PREX1: variants seen among roughly 807,000 people sequenced by gnomAD.
PREX1 encodes the protein phosphatidylinositol-3,4,5-trisphosphate dependent Rac exchange factor 1, also known as phosphatidylinositol 3,4,5-trisphosphate-dependent Rac exchanger 1 protein.
In PREX1, 41 loss-of-function variants were observed where a neutral mutation model predicts 198.3. The observed-to-expected ratio is 0.21, with a 90% CI of 0.16 to 0.27. The LOEUF is 0.27. PREX1 is among the 10% of genes least tolerant of loss of function. PREX1 has a pLI of 1.00. For missense variants in PREX1, 1,620 were observed against 2,200.7 expected (o/e 0.74, Z 5.28); for synonymous variants, 843 against 887.2 (o/e 0.95, Z 0.89).
chr20:48,830,897 G>A (rs959547469), upstream of PREX1, among the ~76,000 whole-genome samples: 3 of 152,202 alleles, frequency 2.0e-5, no homozygotes, highest in African/African-American at 7.2e-5. Flanking sequence ...TACAATGCGT[G>A]GATTGAGTGC....
intron 1 of PREX1, among the ~76,000 whole-genome samples, chr20:48,750,125 G>A (rs2092490): frequency 0.34 from 52,286 of 151,878 alleles, 10,192 homozygotes; most frequent in Non-Finnish European, 0.43. Context: ...CCCACTAGCC[G>A]TCCTCAGCCC....
chr20:48,837,444 G>C, the PREX1 span, among the ~76,000 whole-genome samples: 1 of 152,200 alleles, frequency 6.6e-6, no homozygotes, highest in Non-Finnish European at 1.5e-5. Context: ...TGGCAGACTG[G>C]ATAAAGACAA....
chr20:48,661,468 T>TATATATATATATATATATATAC lies in PREX1; in HGVS notation c.1739-1408_1739-1407insGTATATATATATATATATATAT, dbSNP rs1373152651. 3.5e-4 allele frequency among the ~76,000 whole-genome samples: 27 copies of TATATATATATATATATATATAC among 76,774 alleles called. 1 individual carries two copies. The highest frequency in any genetic ancestry group is 1.8e-3 in the African/African-American group (18 of 9,944). 50.4% of individuals were successfully genotyped at this position (76,774 alleles called of 152,430 possible). ...AAATATATATATATATATATATATA[T>TATATATATATATATATATATAC]ACACACACATATATATAATATAATA... On this transcript the variant is annotated intron_variant, in intron 15 of 39. Coordinates refer to ENST00000371941, the MANE Select transcript of PREX1 (RefSeq NM_020820.4).
At chr20:48,879,230 C>G in the PREX1 span, among the ~76,000 whole-genome samples, 15,318 of 152,130 alleles carry the variant, frequency 0.1, 883 homozygotes, top group Middle Eastern at 0.16. Context: ...AATACGTGCT[C>G]CAAAAGAAAA....
intron 1 of PREX1, among the ~76,000 whole-genome samples, chr20:48,750,008 T>G (rs1483357566): frequency 6.6e-6 from 1 of 152,104 alleles, no homozygotes; most frequent in Non-Finnish European, 1.5e-5. Context: ...TCCACCTGGA[T>G]GTCCAAACTC....
At chr20:48,792,993 T>G (rs753531525) in intron 1 of PREX1, among the ~76,000 whole-genome samples, 2 of 152,002 alleles carry the variant, frequency 1.3e-5, no homozygotes, top group Non-Finnish European at 2.9e-5. Context: ...TCACTTGAGG[T>G]CAGGAGTTCG....
At chr20:48,673,737 C>T (rs2089691314) in intron 14 of PREX1, among the ~76,000 whole-genome samples, 1 of 152,178 alleles carries the variant, frequency 6.6e-6, no homozygotes, top group Non-Finnish European at 1.5e-5. Flanking sequence ...TCGTGGTCCC[C>T]AAACCCTTGC....
At chr20:48,752,907 A>C (rs2090140163) in intron 1 of PREX1, among the ~76,000 whole-genome samples, 1 of 152,214 alleles carries the variant, frequency 6.6e-6, no homozygotes, top group Non-Finnish European at 1.5e-5. Flanking sequence ...ACTTGTTTCA[A>C]ACATCCTTAC....
chr20:48,803,814 C>T (rs920025218), intron 1 of PREX1, among the ~76,000 whole-genome samples: 1 of 152,218 alleles, frequency 6.6e-6, no homozygotes, highest in Non-Finnish European at 1.5e-5. Flanking sequence ...ATGGATGGGT[C>T]CATGACCTCA....
intron 1 of PREX1, among the ~76,000 whole-genome samples, chr20:48,779,092 T>C (rs1297693866): frequency 2.6e-5 from 4 of 152,278 alleles, no homozygotes; most frequent in African/African-American, 7.2e-5. Flanking sequence ...GGAGAAAATA[T>C]TTACAAATGA....
At chr20:48,678,874 G>A (rs1049585496) in intron 13 of PREX1, among the ~76,000 whole-genome samples, 2 of 152,206 alleles carry the variant, frequency 1.3e-5, no homozygotes, top group Admixed American at 6.5e-5. Context: ...TAATACAGAG[G>A]ACAGAAAGTA....
At chr20:48,651,284 C>T in intron 22 of PREX1, 112 bp downstream of exon 22, 1 of 1,442,456 alleles carries the variant, frequency 6.9e-7, no homozygotes, top group Non-Finnish European at 9.2e-7. Context: ...CAGGCTAAGC[C>T]TGAGGAAATG....
Position 48,808,777 on chromosome 20 carries a change from C to T in PREX1, c.219+18865G>A, listed in dbSNP as rs187729216. Among the ~76,000 whole-genome samples the T allele has an allele frequency of 8.4e-4, 128 of 152,284 alleles. 2 individuals are homozygous for T. The South Asian group carries it at 0.019, about 23-fold the overall frequency. ...TGACCTCCCATTGCTCTGCCCCTGG[C>T]CATTCCGGCCTCCGTGTGGATCCTA... On this transcript the variant is annotated intron_variant, in intron 1 of 39. Transcript: ENST00000371941.
chr20:48,866,042 C>T, the PREX1 span, among the ~76,000 whole-genome samples: 4 of 151,422 alleles, frequency 2.6e-5, no homozygotes, highest in East Asian at 5.8e-4. Flanking sequence ...TCAACTTCCT[C>T]GGCTCAAGCA....
intron 11 of PREX1, 90 bp from the exon 12 acceptor site, chr20:48,679,844 C>T (rs1181780625): frequency 1.0e-5 from 10 of 1,001,750 alleles, no homozygotes; most frequent in Admixed American, 7.2e-5. Flanking sequence ...CTGCCAGCCA[C>T]GCCCCCTCTG....
chr20:48,717,233 G>T (rs748570054), intron 5 of PREX1, among the ~76,000 whole-genome samples: 53 of 150,726 alleles, frequency 3.5e-4, no homozygotes, highest in Non-Finnish European at 7.1e-4. Flanking sequence ...AAGAGAAAAA[G>T]GCAGGAGGGT....
At chr20:48,820,526 C>A (rs2090479904) in intron 1 of PREX1, among the ~76,000 whole-genome samples, 1 of 152,232 alleles carries the variant, frequency 6.6e-6, no homozygotes, top group African/African-American at 2.4e-5. Flanking sequence ...ATGCTACTTA[C>A]ATAAACACAT....
At chr20:48,845,568 G>A in the PREX1 span, among the ~76,000 whole-genome samples, 1 of 152,074 alleles carries the variant, frequency 6.6e-6, no homozygotes, top group African/African-American at 2.4e-5. Flanking sequence ...CAGGTGTGAT[G>A]GTCCATGCCT....
At chr20:48,653,872 C>G (rs535633719) in intron 19 of PREX1, among the ~76,000 whole-genome samples, 4 of 152,210 alleles carry the variant, frequency 2.6e-5, no homozygotes, top group African/African-American at 9.7e-5. Context: ...CTCTCTAGGC[C>G]GAATGGCCAG....
Sources: gnomAD v4.1 joint callset for allele counts (sites outside exome capture counted in the v4.1 genomes callset) on GRCh38, gnomAD v4.1.1 for gene constraint, MANE v1.5 for transcripts, NCBI Gene and HGNC (gene_info 2026-07-23, HGNC 2026-07-21) for gene names.